The following SPHKAP variants were observed in gnomAD, a reference collection of about 807,000 sequenced individuals.
SPHKAP encodes SPHK1 interactor, AKAP domain containing.
Under a neutral mutation model 137.5 loss-of-function variants are expected in SPHKAP, and 67 were observed. The ratio of observed to expected loss-of-function variants is 0.49; its 90% CI spans 0.40 to 0.60. The LOEUF is 0.60. SPHKAP is among the 20% of genes least tolerant of loss of function. The pLI is 0.00. For synonymous variants in SPHKAP, 813 were observed against 785.3 expected, an observed-to-expected ratio of 1.04 and a Z score of -0.59; for missense variants, 2,097 against 2,069.3, an observed-to-expected ratio of 1.01 and a Z score of -0.26.
intron 3 of SPHKAP, among the ~76,000 whole-genome samples, chr2:228,102,677 A>G (rs548773385): frequency 6.6e-6 from 1 of 152,300 alleles, no homozygotes; most frequent in African/African-American, 2.4e-5. Context: ...TTAATGCTGC[A>G]TTGTTTGGCA....
At chr2:228,113,601 C>A (rs1698589152) in intron 2 of SPHKAP, among the ~76,000 whole-genome samples, 2 of 133,316 alleles carry the variant, frequency 1.5e-5, no homozygotes, top group African/African-American at 3.0e-5. Flanking sequence ...ATGCATTTAG[C>A]CATCTCTCTC....
At chr2:228,118,016 A>G (rs1229186456) in intron 2 of SPHKAP, among the ~76,000 whole-genome samples, 1 of 151,994 alleles carries the variant, frequency 6.6e-6, no homozygotes, top group Non-Finnish European at 1.5e-5. Context: ...GTATCCCTAC[A>G]CAATATTATA....
chr2:228,115,109 T>C (rs1272544627), intron 2 of SPHKAP, among the ~76,000 whole-genome samples: 3 of 152,158 alleles, frequency 2.0e-5, no homozygotes, highest in South Asian at 2.1e-4. Context: ...GCCATAAATA[T>C]AAGTATTCCT....
intron 3 of SPHKAP, among the ~76,000 whole-genome samples, chr2:228,064,270 A>G (rs1696752619): frequency 6.6e-6 from 1 of 152,198 alleles, no homozygotes; most frequent in South Asian, 2.1e-4. Flanking sequence ...AGTAAACATC[A>G]CAACCAGGCA....
intron 3 of SPHKAP, among the ~76,000 whole-genome samples, chr2:228,059,838 C>T (rs1275241209): frequency 6.6e-6 from 1 of 152,164 alleles, no homozygotes; most frequent in East Asian, 1.9e-4. Flanking sequence ...TATCTTAGTG[C>T]CATCTGTGTT....
rs201266725 is a variant in SPHKAP at position 228,016,913 on chromosome 2, A to G, written c.3941T>C (p.Ile1314Thr). The change falls in exon 7 of 12, where the codon ATT (isoleucine) becomes ACT (threonine). Residue 1314 changes from isoleucine (I) to threonine (T), a missense_variant. Coordinates refer to ENST00000392056, the MANE Select transcript of SPHKAP (RefSeq NM_001142644.2). Reference protein sequence around the residue: ...MLIHETWASSIEALMRKNKII... With the variant: ...MLIHETWASSTEALMRKNKII... ...TTTGTTCTTGCGCATGAGAGCCTCA[A>G]TGGAGCTAGCCCACGTTTCATGAAT... 1.1e-5 allele frequency: 18 copies of G among 1,613,992 alleles called. No individual in the cohort carries two copies. The highest frequency in any genetic ancestry group is 2.7e-5 in the African/African-American group (2 of 74,914).
chr2:228,159,910 T>C (rs1700225393), intron 1 of SPHKAP, among the ~76,000 whole-genome samples: 1 of 152,198 alleles, frequency 6.6e-6, no homozygotes, highest in Middle Eastern at 3.2e-3. Context: ...CTGTGGTTTG[T>C]TGACTGCTAC....
At chr2:228,148,376 C>G (rs1294881180) in intron 1 of SPHKAP, among the ~76,000 whole-genome samples, 1 of 152,164 alleles carries the variant, frequency 6.6e-6, no homozygotes, top group Non-Finnish European at 1.5e-5. Flanking sequence ...TAGTCTTGTG[C>G]TGAAAGCCCT....
chr2:228,048,782 G>A (rs1379918875), intron 3 of SPHKAP, among the ~76,000 whole-genome samples: 1 of 152,020 alleles, frequency 6.6e-6, no homozygotes, highest in Non-Finnish European at 1.5e-5. Flanking sequence ...TATGTCTGTG[G>A]GCCACTTGTA....
At chr2:228,131,777 G>A in intron 2 of SPHKAP, 1 of 984,388 alleles carries the variant, frequency 1.0e-6, no homozygotes, top group Non-Finnish European at 1.2e-6. Context: ...GGAGGCTTAT[G>A]ATTTTCTATG....
intron 3 of SPHKAP, among the ~76,000 whole-genome samples, chr2:228,045,033 C>A (rs988171411): frequency 5.9e-5 from 9 of 152,028 alleles, no homozygotes; most frequent in Non-Finnish European, 1.0e-4. Flanking sequence ...AAATGCAAAT[C>A]AAAACCACGA....
Position 228,108,881 on chromosome 2 carries a change from A to C in SPHKAP, c.197T>G (p.Met66Arg). 1 of 1,610,460 alleles carries C rather than the reference A, an allele frequency of 6.2e-7. No individual in the cohort carries two copies. The highest frequency in any genetic ancestry group is 8.5e-7 in the Non-Finnish European group (1 of 1,179,238). Residue 66 changes from methionine to arginine, a missense_variant, in exon 3 of 12, where the codon ATG (methionine) becomes AGG (arginine). Physicochemically the swap from Met to Arg is moderately conservative, Grantham distance 91. Transcript: ENST00000392056. ...STDYWLQNQR[M>R]PCQIGFVEDK... is the part of the protein sequence containing the mutation. ...TTCTACAAAACCAATTTGGCAGGGC[A>C]TCCTCTGATTCTGCAACCAGTAGTC... is the stretch of plus-strand genomic sequence containing the variant.
intron 3 of SPHKAP, among the ~76,000 whole-genome samples, chr2:228,078,063 C>T (rs1430753025): frequency 6.6e-6 from 1 of 152,188 alleles, no homozygotes; most frequent in East Asian, 1.9e-4. Flanking sequence ...CTCCTCCTTG[C>T]TTTCTGTCAT....
In SPHKAP at chr2:228,072,998, G is replaced by A. The variant is rs185221051; in HGVS notation, c.246+35834C>T. Among the ~76,000 whole-genome samples, 10 of 152,360 alleles carry A rather than the reference G, an allele frequency of 6.6e-5. No homozygotes were observed. In the East Asian group the frequency reaches 1.9e-3, roughly 29 times the overall value. ...AATTCCTCATGCACAAACTGTGTGA[G>A]CATAATGAGAGGTTGCTTTATGCTA... On this transcript the variant is annotated intron_variant, in intron 3 of 11. Coordinates refer to ENST00000392056, the MANE Select transcript of SPHKAP (RefSeq NM_001142644.2).
chr2:228,165,011 C>A (rs991892233), intron 1 of SPHKAP, among the ~76,000 whole-genome samples: 1 of 152,068 alleles, frequency 6.6e-6, no homozygotes, highest in African/African-American at 2.4e-5. Flanking sequence ...TGCATTTCAG[C>A]TGATATTATC....
chr2:228,092,508 A>ATATATGTGCCATATATATGTGTATAT (rs1559169474), intron 3 of SPHKAP, among the ~76,000 whole-genome samples: 20 of 56,274 alleles, frequency 3.6e-4, no homozygotes, highest in Admixed American at 7.5e-4. Flanking sequence ...ATATGTATAC[A>ATATATGTGCCATATATATGTGTATAT]TATATGTGCC....
intron 3 of SPHKAP, among the ~76,000 whole-genome samples, chr2:228,048,781 G>A (rs941784147): frequency 1.1e-4 from 17 of 152,030 alleles, no homozygotes; most frequent in African/African-American, 4.1e-4. Context: ...ATATGTCTGT[G>A]GGCCACTTGT....
chr2:228,101,567 A>C (rs1469089189), intron 3 of SPHKAP, among the ~76,000 whole-genome samples: 3 of 152,194 alleles, frequency 2.0e-5, no homozygotes, highest in African/African-American at 7.2e-5. Context: ...CACTGTGTGT[A>C]GGCACTCTTC....
intron 7 of SPHKAP, among the ~76,000 whole-genome samples, chr2:228,003,500 C>G (rs915934911): frequency 3.3e-5 from 5 of 152,168 alleles, no homozygotes; most frequent in African/African-American, 1.2e-4. Context: ...ACAATCATGT[C>G]ATCTGCAAAC....
Sources: gnomAD v4.1 joint callset for allele counts (sites outside exome capture counted in the v4.1 genomes callset) on GRCh38, gnomAD v4.1.1 for gene constraint, MANE v1.5 for transcripts, NCBI Gene and HGNC (gene_info 2026-07-23, HGNC 2026-07-21) for gene names.